The following ALOX15 variants were observed in gnomAD, a reference collection of about 807,000 sequenced individuals.
ALOX15 encodes arachidonate 15-lipoxygenase.
Under a neutral mutation model 71.7 loss-of-function variants are expected in ALOX15, and 68 were observed. The ratio of observed to expected loss-of-function variants is 0.95; its 90% CI spans 0.78 to 1.16. The LOEUF (loss-of-function observed/expected upper bound fraction) is 1.16. Ranked by LOEUF, ALOX15 falls within the 50% of genes most tolerant of loss-of-function variation. The probability of loss-of-function intolerance (pLI) is 0.00; values close to 1 mark genes in which losing one functional copy is unlikely to be tolerated. For synonymous variants in ALOX15, 346 were observed against 333.3 expected (o/e 1.04, Z -0.42); for missense variants, 798 against 818.8 (o/e 0.97, Z 0.31).
intron 1 of ALOX15, among the ~76,000 whole-genome samples, chr17:4,640,451 C>G (rs536044558): frequency 6.8e-6 from 1 of 146,350 alleles, no homozygotes; most frequent in South Asian, 2.2e-4. Context: ...ATGAGGGGCG[C>G]TCAGGAGCAT....
intron 8 of ALOX15, among the ~76,000 whole-genome samples, chr17:4,635,352 TA>T (rs1911059579): frequency 6.6e-6 from 1 of 150,430 alleles, no homozygotes; most frequent in Non-Finnish European, 1.5e-5. Flanking sequence ...GAGAATTGCT[TA>T]AACCCAGGAG....
chr17:4,631,487 G>GGAGGGTGGGACATGGGAA lies in ALOX15; in HGVS notation c.*95_*112dup. On this transcript the variant is annotated 3_prime_UTR_variant, in exon 14 of 14. Transcript: ENST00000293761. ...AGACCATGAAAAGGTGCCCCTCTAG[G>GGAGGGTGGGACATGGGAA]GAGGGTGGGACATGGGAAGAGGGTG... is the stretch of plus-strand genomic sequence containing the variant. 1 of 1,329,140 alleles carries GGAGGGTGGGACATGGGAA rather than the reference G, an allele frequency of 7.5e-7. No individual in the cohort carries two copies. Among genetic ancestry groups the GGAGGGTGGGACATGGGAA allele is most frequent in the Non-Finnish European group, 1.0e-6 (1 of 975,204 alleles). The allele number at this position is 1,329,140 out of a possible 1,614,324, so 82.3% of individuals were successfully genotyped here.
At chr17:4,638,175 C>T (rs1262128985) in intron 6 of ALOX15, 42 bp downstream of exon 6, 2 of 585,564 alleles carry the variant, frequency 3.4e-6, no homozygotes, top group African/African-American at 3.8e-5. Context: ...CTAGGCCACC[C>T]CACTTCACTG....
chr17:4,637,875 T>A (rs1038418699), intron 6 of ALOX15, among the ~76,000 whole-genome samples: 171 of 152,092 alleles, frequency 1.1e-3, no homozygotes, highest in African/African-American at 3.5e-3. Context: ...TCCTCTCTGT[T>A]GTTCCATATC....
At chr17:4,633,381 A>T (rs2150535193) in intron 9 of ALOX15, 33 bp downstream of exon 9, 1 of 1,612,246 alleles carries the variant, frequency 6.2e-7, no homozygotes, top group East Asian at 2.2e-5. Context: ...TGGAAAAAAG[A>T]CAGACCCAGA....
intron 8 of ALOX15, among the ~76,000 whole-genome samples, chr17:4,634,389 G>A (rs755974828): frequency 3.4e-5 from 5 of 148,794 alleles, no homozygotes; most frequent in South Asian, 2.1e-4. Flanking sequence ...TGCAACCTCC[G>A]TCTTCTGGGT....
chr17:4,633,599 A>G, intron 8 of ALOX15, 99 bp from the exon 9 acceptor site: 1 of 1,016,560 alleles, frequency 9.8e-7, no homozygotes, highest in South Asian at 1.4e-5. Flanking sequence ...AGGTCTTCAG[A>G]AAAAGCACAG....
chr17:4,638,812 G>A (rs1252309820), intron 4 of ALOX15, 38 bp downstream of exon 4: 1 of 1,613,296 alleles, frequency 6.2e-7, no homozygotes, highest in African/African-American at 1.3e-5. Context: ...CACTAGACCA[G>A]GACACCTCCC....
intron 6 of ALOX15, among the ~76,000 whole-genome samples, chr17:4,637,938 A>G (rs11568106): frequency 0.012 from 1,887 of 151,324 alleles, 5 homozygotes; most frequent in African/African-American, 0.041. Context: ...TACTCTGCAC[A>G]CTCCCCGAAT....
chr17:4,635,714 G>C (rs1373132634), intron 8 of ALOX15, 45 bp downstream of exon 8: 1 of 1,600,422 alleles, frequency 6.2e-7, no homozygotes, highest in Non-Finnish European at 8.6e-7. Context: ...ACGTGCCCTG[G>C]GGCAGAGATA....
chr17:4,637,037 G>C (rs760314464), intron 7 of ALOX15, 78 bp downstream of exon 7: 432 of 1,519,616 alleles, frequency 2.8e-4, no homozygotes, highest in Non-Finnish European at 3.7e-4. Context: ...TTTGCAGATG[G>C]TGCTCAGTAA....
In ALOX15 at chr17:4,639,126, G is replaced by C. The variant is rs749228032; in HGVS notation, c.344C>G (p.Thr115Ser). ...CAGGCCCTGAGGGTCCTCGCCCACA[G>C]TGCGGCCTAGAAGGACAGAGGAGGA... is the stretch of plus-strand genomic sequence containing the variant. ...VLSLPEGTGR[T>S]VGEDPQGLFQ... Residue 115 changes from threonine (T) to serine (S), a missense_variant, in exon 3 of 14, where the codon ACT (threonine) becomes AGT (serine). Physicochemically the swap from Thr to Ser is moderately conservative, Grantham distance 58. Transcript: ENST00000293761. The C allele has an allele frequency of 3.1e-6, 5 of 1,614,058 alleles. No individual in the cohort carries two copies. In the African/African-American group the frequency reaches 4.0e-5, roughly 13 times the overall value.
rs1056717554 is a variant in ALOX15, at chr17:4,640,935, C to A, written c.135+582G>T. 4.6e-5 allele frequency among the ~76,000 whole-genome samples: 7 copies of A among 151,660 alleles called. No homozygotes were observed. The East Asian group carries it at 1.4e-3, about 31-fold the overall frequency. On this transcript the variant is annotated intron_variant, in intron 1 of 13. Coordinates refer to ENST00000293761, the MANE Select transcript of ALOX15 (RefSeq NM_001140.5). ...TTGCTTTGACGTTCCCTGAGACAGA[C>A]ATCCGGATTTGGGGATCTGGGAGAG...
At chr17:4,634,795 A>G (rs1911036976) in intron 8 of ALOX15, among the ~76,000 whole-genome samples, 1 of 151,788 alleles carries the variant, frequency 6.6e-6, no homozygotes, top group Non-Finnish European at 1.5e-5. Context: ...CCTGACCAAC[A>G]TGGCAAAACC....
chr17:4,636,097 C>T (rs7217186), intron 7 of ALOX15, 129 bp from the exon 8 acceptor site: 486,035 of 960,116 alleles, frequency 0.51, 126,791 homozygotes, highest in East Asian at 0.6. Context: ...TCACTCCTGC[C>T]GCTCCCTACG....
In ALOX15 at chr17:4,638,600, A is replaced by G. The variant is rs1444096180; in HGVS notation, c.627T>C (p.Cys209=). 6.2e-7 allele frequency: 1 copy of G among 1,614,146 alleles called. No individual in the cohort carries two copies. The highest frequency in any genetic ancestry group is 8.5e-7 in the Non-Finnish European group (1 of 1,180,034). ...ACTGACCAGCCAGCTTGCTCTGACC[A>G]CACCAGAAAATCCGGTTGAAGTCAT... is the stretch of plus-strand genomic sequence containing the variant. The part of the protein sequence containing the change: ...DLDDFNRIFW[C]GQSKLAERVR... The change falls in exon 5 of 14, where the codon TGT becomes TGC. Residue 209 remains cysteine, a synonymous_variant. Coordinates refer to ENST00000293761, the MANE Select transcript of ALOX15 (RefSeq NM_001140.5).
chr17:4,635,614 C>A (rs1353225403), intron 8 of ALOX15, 145 bp downstream of exon 8: 2 of 788,452 alleles, frequency 2.5e-6, no homozygotes, highest in African/African-American at 3.5e-5. Context: ...ATGGCCAGCC[C>A]TGCTCATTCT....
chr17:4,633,788 CATCAACAATAG>C (rs1910998813), intron 8 of ALOX15, among the ~76,000 whole-genome samples: 1 of 152,154 alleles, frequency 6.6e-6, no homozygotes, highest in Non-Finnish European at 1.5e-5. Context: ...CCTAAATGCC[CATCAACAATAG>C]ACCAGGTAAA....
intron 2 of ALOX15, 25 bp downstream of exon 2, chr17:4,639,405 C>G: frequency 6.2e-7 from 1 of 1,612,806 alleles, no homozygotes; most frequent in Non-Finnish European, 8.5e-7. Context: ...CAGAGGCCTC[C>G]TGACACCCTC....
Sources: allele counts gnomAD v4.1 joint callset (sites outside exome capture counted in the v4.1 genomes callset), GRCh38; gene constraint gnomAD v4.1.1; transcripts MANE v1.5; gene names NCBI Gene and HGNC (gene_info 2026-07-23, HGNC 2026-07-21).